Variants in GNAQ observed in about 807,000 individuals in gnomAD.
The protein encoded by GNAQ is guanine nucleotide-binding protein G(q) subunit alpha.
A neutral mutation model predicts 43.9 loss-of-function variants in GNAQ; 8 were observed. The ratio of observed to expected loss-of-function variants is 0.18; its 90% CI spans 0.11 to 0.33. The LOEUF is 0.33. Ranked by LOEUF, GNAQ falls within the 10% of genes least tolerant of loss-of-function variation. GNAQ has a pLI of 1.00. For synonymous variants in GNAQ, 155 were observed against 170.7 expected, an observed-to-expected ratio of 0.91 and a Z score of 0.71; for missense variants, 158 against 450.8, an observed-to-expected ratio of 0.35 and a Z score of 5.88.
At chr9:77,860,407 C>A (rs1174691387) in intron 2 of GNAQ, among the ~76,000 whole-genome samples, 2 of 152,216 alleles carry the variant, frequency 1.3e-5, no homozygotes, top group East Asian at 3.9e-4. Context: ...TGCACTACCC[C>A]ACCCCAGGGG....
intron 3 of GNAQ, among the ~76,000 whole-genome samples, chr9:77,809,684 C>T (rs1046123368): frequency 9.9e-5 from 15 of 152,256 alleles, no homozygotes; most frequent in African/African-American, 3.4e-4. Flanking sequence ...ACTGCTTATC[C>T]ATTATCTGGA....
chr9:77,768,164 A>G (rs1380050414), intron 5 of GNAQ, among the ~76,000 whole-genome samples: 2 of 152,168 alleles, frequency 1.3e-5, no homozygotes, highest in Non-Finnish European at 2.9e-5. Flanking sequence ...TGGGATTTGA[A>G]TCCACGCAGT....
chr9:78,003,580 C>T (rs928379326), intron 1 of GNAQ, among the ~76,000 whole-genome samples: 20 of 151,948 alleles, frequency 1.3e-4, no homozygotes, highest in African/African-American at 4.4e-4. Flanking sequence ...TTTGGGAGGC[C>T]GAGGCGGGCA....
intron 1 of GNAQ, among the ~76,000 whole-genome samples, chr9:77,941,415 A>G (rs1242072600): frequency 1.3e-5 from 2 of 151,980 alleles, no homozygotes; most frequent in African/African-American, 4.8e-5. Context: ...ACACCTGGCT[A>G]ATTTTTTGTA....
chr9:77,861,259 A>G (rs1198302082), intron 2 of GNAQ, among the ~76,000 whole-genome samples: 2 of 152,212 alleles, frequency 1.3e-5, no homozygotes, highest in East Asian at 1.9e-4. Flanking sequence ...ACCTGCCTCC[A>G]TGATTCAATT....
At chr9:77,795,511 T>A (rs1286699042) in intron 4 of GNAQ, among the ~76,000 whole-genome samples, 1 of 152,216 alleles carries the variant, frequency 6.6e-6, no homozygotes, top group Non-Finnish European at 1.5e-5. Context: ...TAGGGCTCTT[T>A]AAACATTTGT....
At position 78,031,311 on chromosome 9, in the gene GNAQ, C is replaced by T; in HGVS notation, c.-76G>A. 1 of 1,202,570 alleles carries T rather than the reference C, an allele frequency of 8.3e-7. No individual in the cohort carries two copies. The highest frequency in any genetic ancestry group is 1.1e-6 in the Non-Finnish European group (1 of 933,224). The allele number at this position is 1,202,570 out of a possible 1,614,324, so 74.5% of individuals were successfully genotyped here. ...GCGCACACACACCCTCCCGCCCTCG[C>T]TCCCCCGAGGCAGCGGTGGCCGCCG... On this transcript the variant is annotated 5_prime_UTR_variant, in exon 1 of 7. Coordinates refer to ENST00000286548, the MANE Select transcript of GNAQ (RefSeq NM_002072.5).
chr9:77,742,198 C>G (rs1325888348), intron 5 of GNAQ, among the ~76,000 whole-genome samples: 5 of 152,140 alleles, frequency 3.3e-5, no homozygotes, highest in African/African-American at 7.2e-5. Flanking sequence ...CCCTTCCCTG[C>G]AAACTGTAAA....
intron 1 of GNAQ, among the ~76,000 whole-genome samples, chr9:77,968,752 T>A (rs1247432257): frequency 6.6e-6 from 1 of 152,220 alleles, no homozygotes; most frequent in Non-Finnish European, 1.5e-5. Context: ...CAGTGCCGTT[T>A]GCCAAAACAG....
chr9:77,836,512 C>T (rs1228581616), intron 2 of GNAQ, among the ~76,000 whole-genome samples: 3 of 151,844 alleles, frequency 2.0e-5, no homozygotes, highest in African/African-American at 7.3e-5. Context: ...TAAAAGCAAA[C>T]CAGGTTCTAG....
At chr9:77,918,290 T>C (rs542762519) in intron 2 of GNAQ, among the ~76,000 whole-genome samples, 1 of 152,340 alleles carries the variant, frequency 6.6e-6, no homozygotes, top group South Asian at 2.1e-4. Context: ...CTATAGATTA[T>C]GGCCAATGTG....
chr9:77,982,730 G>GT (rs1356709399), intron 1 of GNAQ, among the ~76,000 whole-genome samples: 2 of 131,708 alleles, frequency 1.5e-5, no homozygotes, highest in Non-Finnish European at 1.6e-5. Context: ...TTGATTCTAT[G>GT]TTTAAAAAAA....
intron 2 of GNAQ, among the ~76,000 whole-genome samples, chr9:77,889,964 A>G (rs1587389695): frequency 1.3e-5 from 2 of 152,236 alleles, no homozygotes; most frequent in African/African-American, 4.8e-5. Context: ...CAAACATTCT[A>G]TAATATGCAT....
At chr9:77,894,628 G>A (rs932254093) in intron 2 of GNAQ, among the ~76,000 whole-genome samples, 6 of 150,556 alleles carry the variant, frequency 4.0e-5, no homozygotes, top group Non-Finnish European at 8.9e-5. Context: ...TCACCATGTT[G>A]ACCAGGAAGG....
intron 2 of GNAQ, among the ~76,000 whole-genome samples, chr9:77,874,409 C>T (rs1278064183): frequency 6.6e-6 from 1 of 152,184 alleles, no homozygotes. Flanking sequence ...TATCTCCCAT[C>T]CCATCTCAAT....
chr9:77,778,170 T>C (rs1458699277), intron 5 of GNAQ, among the ~76,000 whole-genome samples: 1 of 151,742 alleles, frequency 6.6e-6, no homozygotes, highest in Admixed American at 6.6e-5. Context: ...TAATAGCAAG[T>C]GTTCAATTAT....
chr9:77,956,047 T>C (rs562951649), intron 1 of GNAQ, among the ~76,000 whole-genome samples: 51 of 152,350 alleles, frequency 3.3e-4, no homozygotes, highest in Admixed American at 7.8e-4. Flanking sequence ...TTATTAAGTT[T>C]TTTAAAAGAA....
chr9:78,001,447 C>A (rs1168128115), intron 1 of GNAQ, among the ~76,000 whole-genome samples: 2 of 151,964 alleles, frequency 1.3e-5, no homozygotes, highest in African/African-American at 4.8e-5. Context: ...AGTTTGGCTA[C>A]AGCACCAAGA....
intron 1 of GNAQ, among the ~76,000 whole-genome samples, chr9:77,956,565 C>T (rs1823043342): frequency 6.6e-6 from 1 of 152,182 alleles, no homozygotes; most frequent in Admixed American, 6.5e-5. Flanking sequence ...CTTGGATTAG[C>T]ACTGCCTCAG....
Sources: gnomAD v4.1 joint callset for allele counts (sites outside exome capture counted in the v4.1 genomes callset) on GRCh38, gnomAD v4.1.1 for gene constraint, MANE v1.5 for transcripts, NCBI Gene and HGNC (gene_info 2026-07-23, HGNC 2026-07-21) for gene names.